Variants in POLR3GL observed in about 807,000 individuals in gnomAD.
POLR3GL encodes RNA polymerase III subunit GL.
POLR3GL carries 26 observed loss-of-function variants against 32.4 expected under a neutral mutation model. That is an observed-to-expected ratio of 0.80 (90% CI 0.59 to 1.11). POLR3GL has a LOEUF of 1.11. Among genes scored for constraint, POLR3GL ranks in the 50% most tolerant of loss-of-function variants. The probability of loss-of-function intolerance (pLI) is 0.00; values close to 1 mark genes in which losing one functional copy is unlikely to be tolerated. For synonymous variants in POLR3GL, 95 were observed against 98.7 expected, an observed-to-expected ratio of 0.96 and a Z score of 0.22; for missense variants, 229 against 280.1, an observed-to-expected ratio of 0.82 and a Z score of 1.30.
At chr1:145,967,481 A>T (rs1378250030) in intron 1 of POLR3GL, among the ~76,000 whole-genome samples, 2 of 152,010 alleles carry the variant, frequency 1.3e-5, no homozygotes, top group African/African-American at 4.8e-5. Context: ...AGACATGGCC[A>T]TTCTCTTTGC....
chr1:145,977,817 C>G lies in POLR3GL; in HGVS notation c.422C>G (p.Thr141Arg). The change falls in exon 6 of 8, where the codon ACA becomes AGA. Residue 141 changes from threonine (T) to arginine (R), a missense_variant. Coordinates refer to ENST00000369314, the MANE Select transcript of POLR3GL (RefSeq NM_032305.3). ...CTCCCCAAGAGGCCCCCTAAGACCA[C>G]AGAAGATAAGGAGGAAACAATACAG... Reference protein sequence around the residue: ...ILLPKRPPKTTEDKEETIQKL... With the variant: ...ILLPKRPPKTREDKEETIQKL... The G allele has an allele frequency of 6.2e-7, 1 of 1,614,046 alleles. No individual in the cohort carries two copies. Among genetic ancestry groups the G allele is most frequent in the Non-Finnish European group, 8.5e-7 (1 of 1,179,940 alleles).
chr1:145,964,915 T>C (rs1407876429), intron 1 of POLR3GL, 147 bp downstream of exon 1: 3 of 152,228 alleles, frequency 2.0e-5, no homozygotes, highest in Non-Finnish European at 4.4e-5. Flanking sequence ...ATTTCTGTAT[T>C]GATTGTATAC....
At chr1:145,975,030 C>G (rs1254410091) in intron 2 of POLR3GL, 39 bp downstream of exon 2, 3 of 1,502,166 alleles carry the variant, frequency 2.0e-6, no homozygotes, top group Non-Finnish European at 2.7e-6. Flanking sequence ...CTCATGTGCC[C>G]CTGGCTGACT....
At chr1:145,977,342 G>A (rs1553763597) in intron 4 of POLR3GL, 141 bp from the exon 5 acceptor site, 2 of 880,532 alleles carry the variant, frequency 2.3e-6, no homozygotes, top group Non-Finnish European at 3.7e-6. Context: ...CTACTCAGGA[G>A]ATATCCAAGC....
intron 7 of POLR3GL, 73 bp downstream of exon 7, chr1:145,978,169 G>A: frequency 6.5e-7 from 1 of 1,548,926 alleles, no homozygotes; most frequent in Admixed American, 2.0e-5. Context: ...TCCTCAGAGG[G>A]TTGGCATGCC....
chr1:145,973,779 T>C (rs1428290712), intron 1 of POLR3GL, among the ~76,000 whole-genome samples: 1 of 151,788 alleles, frequency 6.6e-6, no homozygotes, highest in Non-Finnish European at 1.5e-5. Flanking sequence ...AGTGAAGTCC[T>C]GCACTGGGAG....
Position 145,975,004 on chromosome 1 carries a change from A to C in POLR3GL, c.126+13A>C. 6.6e-7 allele frequency: 1 copy of C among 1,505,592 alleles called. No individual in the cohort carries two copies. Among genetic ancestry groups the C allele is most frequent in the Non-Finnish European group, 8.8e-7 (1 of 1,129,994 alleles). The allele number at this position is 1,505,592 out of a possible 1,614,324, so 93.3% of individuals were successfully genotyped here. On this transcript the variant is annotated intron_variant, in intron 2 of 7. Coordinates refer to ENST00000369314, the MANE Select transcript of POLR3GL (RefSeq NM_032305.3). ...TCCACTCTTCCCTGTGAGTCTCTCC[A>C]CTCCCTTCCCAGACTCTCATGTGCC...
chr1:145,977,617 A>G (rs1650622432), intron 5 of POLR3GL, 78 bp downstream of exon 5: 1 of 1,424,244 alleles, frequency 7.0e-7, no homozygotes, highest in African/African-American at 1.4e-5. Flanking sequence ...TGCTGGTCTC[A>G]CCTTCCATCC....
chr1:145,975,242 AG>A, intron 2 of POLR3GL, 64 bp from the exon 3 acceptor site: 1 of 1,577,288 alleles, frequency 6.3e-7, no homozygotes, highest in South Asian at 1.1e-5. Context: ...AATTGGGAGG[AG>A]GGGTCTTCCT....
intron 1 of POLR3GL, among the ~76,000 whole-genome samples, chr1:145,973,394 A>G (rs1350406294): frequency 6.6e-6 from 1 of 152,130 alleles, no homozygotes; most frequent in Non-Finnish European, 1.5e-5. Flanking sequence ...CTTTAGGGAA[A>G]TGCCACCAAA....
intron 1 of POLR3GL, among the ~76,000 whole-genome samples, chr1:145,969,333 C>T (rs894839236): frequency 6.6e-6 from 1 of 151,888 alleles, no homozygotes; most frequent in Non-Finnish European, 1.5e-5. Context: ...GGCGCCATCT[C>T]GGCTCACTGC....
At chr1:145,977,022 C>G (rs1375434178) in intron 3 of POLR3GL, 62 bp from the exon 4 acceptor site, 2 of 1,390,574 alleles carry the variant, frequency 1.4e-6, no homozygotes, top group African/African-American at 1.4e-5. Context: ...GGGCTGGACT[C>G]TCAGGAACAG....
chr1:145,973,155 A>G (rs1435743746), intron 1 of POLR3GL, among the ~76,000 whole-genome samples: 5 of 152,152 alleles, frequency 3.3e-5, no homozygotes, highest in African/African-American at 1.2e-4. Context: ...AAATTGTATG[A>G]GAAACCAAGA....
intron 1 of POLR3GL, among the ~76,000 whole-genome samples, chr1:145,971,524 A>G (rs1443873353): frequency 6.6e-6 from 1 of 152,152 alleles, no homozygotes; most frequent in Non-Finnish European, 1.5e-5. Context: ...GAGGATGATC[A>G]CAGAGGTGAA....
intron 1 of POLR3GL, among the ~76,000 whole-genome samples, chr1:145,968,554 G>A (rs587606003): frequency 6.6e-6 from 1 of 151,724 alleles, no homozygotes; most frequent in South Asian, 2.1e-4. Context: ...AAAAGGGGCT[G>A]AAGACACGGT....
At chr1:145,970,963 A>G (rs1553762579) in intron 1 of POLR3GL, among the ~76,000 whole-genome samples, 6 of 146,802 alleles carry the variant, frequency 4.1e-5, no homozygotes, top group Non-Finnish European at 5.9e-5. Context: ...AGGCGGATGG[A>G]TCACCTGGTC....
chr1:145,972,012 A>ATGTGTGTG (rs782186587), intron 1 of POLR3GL, among the ~76,000 whole-genome samples: 16 of 112,552 alleles, frequency 1.4e-4, no homozygotes, highest in African/African-American at 6.5e-4. Flanking sequence ...ATATATATAT[A>ATGTGTGTG]CGTGTGTGTG....
chr1:145,966,212 G>T (rs1286850205), intron 1 of POLR3GL, among the ~76,000 whole-genome samples: 1 of 151,906 alleles, frequency 6.6e-6, no homozygotes, highest in African/African-American at 2.4e-5. Flanking sequence ...GGGCGTGGTG[G>T]CTCATGCCTG....
At position 145,977,474 on chromosome 1, in the gene POLR3GL, T is replaced by C. The variant is rs1553763616; in HGVS notation, c.326-9T>C. On this transcript the variant is annotated splice_polypyrimidine_tract_variant and intron_variant, in intron 4 of 7. Transcript: ENST00000369314. ...GTCCTATTGACATTTACGTTCCCAC[T>C]ATTCCCAGATTGGCGGCGTCTACCC... 1.2e-6 allele frequency: 2 copies of C among 1,613,748 alleles called. No homozygotes were observed. Among genetic ancestry groups the C allele is most frequent in the East Asian group, 2.2e-5 (1 of 44,878 alleles).
Sources: allele counts gnomAD v4.1 joint callset (sites outside exome capture counted in the v4.1 genomes callset), GRCh38; gene constraint gnomAD v4.1.1; transcripts MANE v1.5; gene names NCBI Gene and HGNC (gene_info 2026-07-23, HGNC 2026-07-21).